UBE2L3: variants seen among roughly 807,000 people sequenced by gnomAD.
UBE2L3 encodes ubiquitin-conjugating enzyme E2 L3.
In UBE2L3, 1 loss-of-function variant was observed where a neutral mutation model predicts 17.8. The ratio of observed to expected loss-of-function variants is 0.06; its 90% CI spans 0.02 to 0.27. The LOEUF is 0.27. Among genes scored for constraint, UBE2L3 ranks in the 10% least tolerant of loss-of-function variants. UBE2L3 has a pLI of 1.00. For missense variants in UBE2L3, 40 were observed against 192.6 expected, an observed-to-expected ratio of 0.21 and a Z score of 4.69; for synonymous variants, 44 against 68.5, an observed-to-expected ratio of 0.64 and a Z score of 1.76.
chr22:21,577,908 G>T (rs1927402940), intron 1 of UBE2L3, among the ~76,000 whole-genome samples: 1 of 152,160 alleles, frequency 6.6e-6, no homozygotes, highest in African/African-American at 2.4e-5. Flanking sequence ...AAGGGCTCAT[G>T]GGCTAATGTC....
chr22:21,573,746 G>A (rs547644466), intron 1 of UBE2L3, among the ~76,000 whole-genome samples: 1 of 152,292 alleles, frequency 6.6e-6, no homozygotes, highest in African/African-American at 2.4e-5. Context: ...GAGACCATCT[G>A]CCTACTCCCC....
chr22:21,616,754 T>A (rs1041361789), intron 3 of UBE2L3, among the ~76,000 whole-genome samples: 5 of 151,892 alleles, frequency 3.3e-5, no homozygotes, highest in Admixed American at 1.3e-4. Context: ...CCCCCCCCCT[T>A]TTTTTAAAGC....
intron 1 of UBE2L3, among the ~76,000 whole-genome samples, chr22:21,574,612 C>A (rs752688903): frequency 2.0e-4 from 30 of 152,172 alleles, no homozygotes; most frequent in Non-Finnish European, 3.1e-4. Flanking sequence ...CTGTGGTACT[C>A]TCTTATTCTG....
chr22:21,590,778 A>G (rs183608477), intron 1 of UBE2L3, among the ~76,000 whole-genome samples: 13 of 152,346 alleles, frequency 8.5e-5, no homozygotes, highest in African/African-American at 3.1e-4. Flanking sequence ...GCCAAGGTCA[A>G]AAAAGCCAAA....
chr22:21,562,226 G>A lies in UBE2L3; in HGVS notation c.201+12576G>A, dbSNP rs1309051724. On this transcript the variant is annotated intron_variant, in intron 1 of 3. Coordinates refer to the UBE2L3 transcript ENST00000458578. ...TTTTTTTTTTTTGAGACGGAGTCTC[G>A]CTCTGTCACCCAGGCTGGAATGCAG... Among the ~76,000 whole-genome samples, 7 of 143,864 alleles carry A rather than the reference G, an allele frequency of 4.9e-5. No individual in the cohort carries two copies. In the South Asian group the frequency reaches 1.3e-3, roughly 27 times the overall value. The allele number at this position is 143,864 out of a possible 152,430, so 94.4% of individuals were successfully genotyped here. A position where few individuals can be genotyped will look rare whatever the true frequency, so the allele number is the denominator to read the frequency against.
At chr22:21,601,608 C>T (rs1445555529) in intron 2 of UBE2L3, among the ~76,000 whole-genome samples, 1 of 151,928 alleles carries the variant, frequency 6.6e-6, no homozygotes, top group African/African-American at 2.4e-5. Flanking sequence ...AGCCACTGTG[C>T]CTGGCCTAAC....
intron 2 of UBE2L3, among the ~76,000 whole-genome samples, chr22:21,607,426 A>G (rs1313589685): frequency 6.6e-6 from 1 of 150,698 alleles, no homozygotes; most frequent in Non-Finnish European, 1.5e-5. Context: ...GAGGTGGGAG[A>G]ATTGCATGAA....
intron 2 of UBE2L3, among the ~76,000 whole-genome samples, chr22:21,597,495 C>G (rs573602979): frequency 5.9e-5 from 9 of 152,058 alleles, no homozygotes; most frequent in Non-Finnish European, 1.0e-4. Flanking sequence ...TGGAGTCTTG[C>G]TGTGTTGCCC....
chr22:21,620,208 GC>G (rs1465771430), intron 3 of UBE2L3, among the ~76,000 whole-genome samples: 1 of 152,040 alleles, frequency 6.6e-6, no homozygotes, highest in Non-Finnish European at 1.5e-5. Flanking sequence ...GATTGTTTGA[GC>G]CCAGGAGATA....
upstream of UBE2L3, among the ~76,000 whole-genome samples, chr22:21,565,784 A>C (rs984102642): frequency 9.0e-5 from 13 of 145,250 alleles, no homozygotes; most frequent in Non-Finnish European, 1.5e-4. Flanking sequence ...AAAAAAAAAA[A>C]GAGAAAAACT....
intron 2 of UBE2L3, among the ~76,000 whole-genome samples, chr22:21,609,513 C>T (rs1929360712): frequency 6.6e-6 from 1 of 151,810 alleles, no homozygotes. Flanking sequence ...TTGAGACCAA[C>T]CTGGACAACA....
upstream of UBE2L3, among the ~76,000 whole-genome samples, chr22:21,563,797 G>A (rs377289567): frequency 4.7e-3 from 710 of 151,374 alleles, 11 homozygotes; most frequent in African/African-American, 0.016. Flanking sequence ...GGCTGGTCTC[G>A]AACTCCTGAC....
chr22:21,557,598 C>T (rs1244672738), intron 1 of UBE2L3, among the ~76,000 whole-genome samples: 1 of 152,160 alleles, frequency 6.6e-6, no homozygotes, highest in Non-Finnish European at 1.5e-5. Context: ...TCTTGGCTCA[C>T]TGCAACCTCC....
chr22:21,609,061 A>AT lies in UBE2L3; in HGVS notation c.124-1787dup, dbSNP rs765826325. ...AGGCGCCCACCACCACGTCCAGCTAATTTTTTTTTGTATTTTTAGTAGAGA... is the reference window on the plus strand; with the variant it reads ...AGGCGCCCACCACCACGTCCAGCTAATTTTTTTTTTGTATTTTTAGTAGAGA... On this transcript the variant is annotated intron_variant, in intron 2 of 3. Transcript: ENST00000342192. 2.0e-3 allele frequency among the ~76,000 whole-genome samples: 308 copies of AT among 150,860 alleles called. 2 individuals are homozygous for AT. The highest frequency in any genetic ancestry group is 2.7e-3 in the South Asian group (13 of 4,754).
chr22:21,609,744 G>A (rs975467158), intron 2 of UBE2L3, among the ~76,000 whole-genome samples: 2 of 152,020 alleles, frequency 1.3e-5, no homozygotes, highest in Non-Finnish European at 2.9e-5. Flanking sequence ...AACAAGTAAC[G>A]GCTGGGCACA....
chr22:21,601,310 G>A (rs1176568499), intron 2 of UBE2L3, among the ~76,000 whole-genome samples: 3 of 150,760 alleles, frequency 2.0e-5, no homozygotes, highest in Non-Finnish European at 4.4e-5. Context: ...ACTCTTTTGG[G>A]TTTTTTTGTT....
At chr22:21,560,741 G>A (rs865984758) in intron 1 of UBE2L3, among the ~76,000 whole-genome samples, 2,180 of 148,546 alleles carry the variant, frequency 0.015, 12 homozygotes, top group African/African-American at 0.052. Flanking sequence ...ATGAGCCACC[G>A]CTCCCGGGCT....
At chr22:21,591,874 T>A (rs1928284356) in intron 1 of UBE2L3, among the ~76,000 whole-genome samples, 1 of 152,138 alleles carries the variant, frequency 6.6e-6, no homozygotes, top group Non-Finnish European at 1.5e-5. Flanking sequence ...GAGGCCGGGC[T>A]GAGGCGGGTA....
chr22:21,596,608 G>A (rs1017214029), intron 2 of UBE2L3, among the ~76,000 whole-genome samples: 6 of 151,940 alleles, frequency 3.9e-5, no homozygotes, highest in South Asian at 2.1e-4. Flanking sequence ...ATGCGATCTC[G>A]GCTCTCTGCA....
Sources: gnomAD v4.1 joint callset for allele counts (sites outside exome capture counted in the v4.1 genomes callset) on GRCh38, gnomAD v4.1.1 for gene constraint, MANE v1.5 for transcripts, NCBI Gene and HGNC (gene_info 2026-07-23, HGNC 2026-07-21) for gene names.